GRM5: variants seen among roughly 807,000 people sequenced by gnomAD.
The protein encoded by GRM5 is glutamate metabotropic receptor 5.
A neutral mutation model predicts 83.1 loss-of-function variants in GRM5; 19 were observed. The observed-to-expected ratio is 0.23, with a 90% CI of 0.16 to 0.34. GRM5 has a LOEUF of 0.34. Ranked by LOEUF, GRM5 falls within the 10% of genes least tolerant of loss-of-function variation. The pLI, the probability that GRM5 is intolerant of heterozygous loss-of-function variation, is 1.00. For synonymous variants in GRM5, 675 were observed against 633.6 expected (o/e 1.07, Z -0.98); for missense variants, 1,160 against 1,588.3 (o/e 0.73, Z 4.58).
chr11:88,736,393 C>CTTGT (rs1462789732), intron 3 of GRM5, among the ~76,000 whole-genome samples: 1 of 151,998 alleles, frequency 6.6e-6, no homozygotes, highest in Non-Finnish European at 1.5e-5. Flanking sequence ...GTCCTGGAGG[C>CTTGT]TTGTTTTCTC....
At position 88,829,434 on chromosome 11, in the gene GRM5, C is replaced by T. The variant is rs1943948677; in HGVS notation, c.911+20472G>A. Among the ~76,000 whole-genome samples the T allele has an allele frequency of 3.3e-5, 5 of 152,224 alleles. No homozygotes were observed. In the South Asian group the frequency reaches 1.0e-3, roughly 32 times the overall value. On this transcript the variant is annotated intron_variant, in intron 3 of 9. Coordinates refer to ENST00000305447, the MANE Select transcript of GRM5 (RefSeq NM_001143831.3). Reference sequence around the variant, plus strand: ...TGAGATTGTGCTACTGCACTCCAACCTGGGCAACAGAGTGAGACTTGGTCT... The same window carrying T: ...TGAGATTGTGCTACTGCACTCCAACTTGGGCAACAGAGTGAGACTTGGTCT...
intron 5 of GRM5, among the ~76,000 whole-genome samples, chr11:88,602,064 C>T (rs1397324636): frequency 2.1e-5 from 2 of 94,604 alleles, no homozygotes; most frequent in Non-Finnish European, 4.7e-5. Context: ...ATCTTTAGAG[C>T]TCTGAAATTT....
intron 4 of GRM5, among the ~76,000 whole-genome samples, chr11:88,625,764 C>A (rs1170040129): frequency 6.6e-6 from 1 of 151,662 alleles, no homozygotes; most frequent in Non-Finnish European, 1.5e-5. Context: ...CATATAGCCC[C>A]AATTCTAAAA....
intron 3 of GRM5, among the ~76,000 whole-genome samples, chr11:88,813,011 T>C (rs569146667): frequency 6.6e-6 from 1 of 152,266 alleles, no homozygotes; most frequent in Non-Finnish European, 1.5e-5. Context: ...CTATCACTCA[T>C]CCTGAATTTC....
intron 8 of GRM5, among the ~76,000 whole-genome samples, chr11:88,525,677 T>A (rs1279804950): frequency 6.6e-6 from 1 of 152,204 alleles, no homozygotes; most frequent in Non-Finnish European, 1.5e-5. Flanking sequence ...CATTTAATAG[T>A]CAATGGTAAA....
At chr11:88,901,997 C>G (rs1048845596) in intron 2 of GRM5, among the ~76,000 whole-genome samples, 2 of 152,088 alleles carry the variant, frequency 1.3e-5, no homozygotes, top group African/African-American at 4.8e-5. Context: ...GGTTGCCATC[C>G]TTTTCTACAT....
intron 2 of GRM5, among the ~76,000 whole-genome samples, chr11:88,974,537 T>C (rs535931391): frequency 6.6e-4 from 100 of 152,292 alleles, no homozygotes; most frequent in African/African-American, 2.2e-3. Context: ...AAGAATCTTA[T>C]ATTCCAAGTT....
chr11:89,028,631 T>C (rs1474231146), intron 2 of GRM5, among the ~76,000 whole-genome samples: 3 of 152,178 alleles, frequency 2.0e-5, no homozygotes, highest in Admixed American at 1.3e-4. Context: ...TTTGAAGTAC[T>C]ATAATTTTTA....
chr11:88,819,397 T>G (rs1345217108), intron 3 of GRM5, among the ~76,000 whole-genome samples: 1 of 152,256 alleles, frequency 6.6e-6, no homozygotes, highest in Non-Finnish European at 1.5e-5. Context: ...ATAAACATTA[T>G]TTAAATAATG....
At chr11:88,729,596 C>T (rs1401459517) in intron 3 of GRM5, among the ~76,000 whole-genome samples, 1 of 152,044 alleles carries the variant, frequency 6.6e-6, no homozygotes, top group Non-Finnish European at 1.5e-5. Flanking sequence ...AAGAACAAAG[C>T]TGGAAAATCA....
intron 3 of GRM5, among the ~76,000 whole-genome samples, chr11:88,670,684 G>A (rs997314170): frequency 2.0e-5 from 3 of 152,098 alleles, no homozygotes; most frequent in Admixed American, 1.3e-4. Context: ...GATTTGAAAT[G>A]ACCAGTGAAT....
chr11:88,570,569 A>ATTTTTTTTTTT (rs1240457993), intron 7 of GRM5, among the ~76,000 whole-genome samples: 1 of 73,874 alleles, frequency 1.4e-5, no homozygotes, highest in Non-Finnish European at 2.2e-5. Flanking sequence ...ATATATATAT[A>ATTTTTTTTTTT]TATTTTTTTT....
chr11:88,860,725 C>T (rs1177050122), intron 2 of GRM5, among the ~76,000 whole-genome samples: 1 of 152,142 alleles, frequency 6.6e-6, no homozygotes, highest in African/African-American at 2.4e-5. Context: ...AAACAAAGTA[C>T]TGAGAGGAGG....
At chr11:88,818,842 C>T (rs1439401699) in intron 3 of GRM5, among the ~76,000 whole-genome samples, 13 of 152,080 alleles carry the variant, frequency 8.5e-5, no homozygotes, top group Admixed American at 7.9e-4. Flanking sequence ...AAAAAGACAG[C>T]ATTATTGTAT....
At chr11:88,827,513 G>A (rs1013662379) in intron 3 of GRM5, among the ~76,000 whole-genome samples, 5 of 152,114 alleles carry the variant, frequency 3.3e-5, no homozygotes, top group Non-Finnish European at 5.9e-5. Flanking sequence ...CCCTGCTTAC[G>A]CCATTTTCAT....
At chr11:88,923,231 G>A (rs1432890107) in intron 2 of GRM5, among the ~76,000 whole-genome samples, 1 of 152,104 alleles carries the variant, frequency 6.6e-6, no homozygotes, top group African/African-American at 2.4e-5. Flanking sequence ...ACAGTACATT[G>A]AAGAGATACC....
chr11:88,911,224 G>T (rs1323869745), intron 2 of GRM5, among the ~76,000 whole-genome samples: 1 of 152,094 alleles, frequency 6.6e-6, no homozygotes, highest in Admixed American at 6.6e-5. Flanking sequence ...CAGGCAGAAG[G>T]ATAACTAGTT....
rs138925669 is a variant in GRM5 at position 88,516,773 on chromosome 11, T to C, written c.2727-7269A>G. On this transcript the variant is annotated intron_variant, in intron 9 of 9. Coordinates refer to ENST00000305447, the MANE Select transcript of GRM5 (RefSeq NM_001143831.3). ...GGGCATATGCCTTATATCTGTCAGT[T>C]CTAGTCCCATTTCCTGTGGAATTCT... Among the ~76,000 whole-genome samples the C allele has an allele frequency of 5.9e-3, 901 of 152,190 alleles. 11 individuals carry two copies. Among genetic ancestry groups the C allele is most frequent in the African/African-American group, 0.02 (848 of 41,526 alleles).
At chr11:88,666,309 C>A (rs552638242) in intron 3 of GRM5, among the ~76,000 whole-genome samples, 11 of 152,256 alleles carry the variant, frequency 7.2e-5, no homozygotes, top group African/African-American at 2.6e-4. Context: ...CAAGGGCATG[C>A]CTCTAGCTTC....
Sources: allele counts gnomAD v4.1 joint callset (sites outside exome capture counted in the v4.1 genomes callset), GRCh38; gene constraint gnomAD v4.1.1; transcripts MANE v1.5; gene names NCBI Gene and HGNC (gene_info 2026-07-23, HGNC 2026-07-21).